Variants in PLEKHA6 observed in about 807,000 individuals in gnomAD.
The protein encoded by PLEKHA6 is pleckstrin homology domain-containing family A member 6.
PLEKHA6 carries 60 observed loss-of-function variants against 116.7 expected under a neutral mutation model. The ratio of observed to expected loss-of-function variants is 0.51; its 90% CI spans 0.42 to 0.64. PLEKHA6 has a LOEUF of 0.64. Ranked by LOEUF, PLEKHA6 falls within the 30% of genes least tolerant of loss-of-function variation. The probability of loss-of-function intolerance (pLI) is 0.00; values close to 1 mark genes in which losing one functional copy is unlikely to be tolerated. For synonymous variants in PLEKHA6, 489 were observed against 556.1 expected (o/e 0.88, Z 1.70); for missense variants, 1,338 against 1,422.7 (o/e 0.94, Z 0.96).
intron 15 of PLEKHA6, among the ~76,000 whole-genome samples, chr1:204,242,850 T>C (rs1663028048): frequency 1.3e-5 from 2 of 152,226 alleles, no homozygotes; most frequent in African/African-American, 2.4e-5. Flanking sequence ...CCACAAACAC[T>C]GGCTGCCCAT....
chr1:204,308,764 C>T (rs1276977366), intron 1 of PLEKHA6, among the ~76,000 whole-genome samples: 1 of 128,220 alleles, frequency 7.8e-6, no homozygotes, highest in South Asian at 2.6e-4. Context: ...TCTTGGCTCA[C>T]TGCAAGCTCC....
intron 1 of PLEKHA6, chr1:204,309,647 T>A (rs1671585931): frequency 1.4e-6 from 1 of 709,250 alleles, no homozygotes; most frequent in Admixed American, 6.3e-5. Flanking sequence ...CTTCTCAGAA[T>A]GTAGCCCCAA....
At chr1:204,369,013 A>C (rs887289556) in intron 2 of PLEKHA6, 1 of 151,892 alleles carries the variant, frequency 6.6e-6, no homozygotes, top group Non-Finnish European at 1.5e-5. Flanking sequence ...GTTTCTAATC[A>C]TTCATTTTAT....
At chr1:204,273,597 C>T in intron 3 of PLEKHA6, 29 bp downstream of exon 3, 1 of 1,480,122 alleles carries the variant, frequency 6.8e-7, no homozygotes, top group African/African-American at 1.4e-5. Context: ...GTTTCCAGCC[C>T]AACAGCTTGC....
At chr1:204,262,571 G>A (rs1286514041) in intron 6 of PLEKHA6, among the ~76,000 whole-genome samples, 1 of 152,106 alleles carries the variant, frequency 6.6e-6, no homozygotes, top group Non-Finnish European at 1.5e-5. Context: ...GACCCCTTGA[G>A]CCCTAAATCC....
chr1:204,342,903 C>A (rs1483926111), intron 1 of PLEKHA6, among the ~76,000 whole-genome samples: 1 of 152,166 alleles, frequency 6.6e-6, no homozygotes, highest in Non-Finnish European at 1.5e-5. Context: ...TATTTTAGCC[C>A]CGTGTGGGTC....
In PLEKHA6 at chr1:204,250,576, G is replaced by A. The variant is rs1268952921; in HGVS notation, c.1563C>T (p.His521=). ...PYPEVFRDSL[H]TYKLNEQDTD... is the part of the protein sequence containing the mutation. ...TGTCTTGCTCGTTTAACTTGTAGGT[G>A]TGGAGGCTGTCCCGGAACACTTCTG... Residue 521 remains histidine, a synonymous_variant, in exon 10 of 23, where the codon CAC becomes CAT. Transcript: ENST00000272203. 1.2e-6 allele frequency: 2 copies of A among 1,613,028 alleles called. No homozygotes were observed. Among genetic ancestry groups the A allele is most frequent in the South Asian group, 1.1e-5 (1 of 90,720 alleles).
chr1:204,326,220 T>C (rs750205534), intron 1 of PLEKHA6, among the ~76,000 whole-genome samples: 10 of 152,166 alleles, frequency 6.6e-5, no homozygotes, highest in Non-Finnish European at 1.3e-4. Flanking sequence ...TGCCCTTCAG[T>C]TTGTGAAGAC....
At chr1:204,309,168 T>C (rs940332767) in intron 1 of PLEKHA6, 3 of 449,008 alleles carry the variant, frequency 6.7e-6, no homozygotes, top group African/African-American at 6.3e-5. Context: ...GCTGAGGTCA[T>C]AGACAGATTC....
rs536947670 is a variant in PLEKHA6 at position 204,317,367 on chromosome 1, C to T, written c.-95+42327G>A. The T allele has an allele frequency of 3.8e-5, 7 of 182,840 alleles. No homozygotes were observed. In the East Asian group the frequency reaches 5.6e-4, roughly 15 times the overall value. The allele number at this position is 182,840 out of a possible 1,614,324, so 11.3% of individuals were successfully genotyped here. A position where few individuals can be genotyped will look rare whatever the true frequency, so the allele number is the denominator to read the frequency against. ...TGTTGTTCCAGCAGCCAGGCCTCTT[C>T]GGAGAGTTTATCAGCAGAATCTGCC... On this transcript the variant is annotated intron_variant, in intron 1 of 22. Coordinates refer to ENST00000272203, the MANE Select transcript of PLEKHA6 (RefSeq NM_014935.5).
Position 204,259,686 on chromosome 1 carries a change from T to TGGCTGCTGGTGGTGC in PLEKHA6, c.564_578dup (p.His189_Pro193dup). ...CAGGCTTAGGGAGGCTGTTGTGGGG[T>TGGCTGCTGGTGGTGC]GGCTGCTGGTGGTGCTTGCTGGGTG... On this transcript the variant is annotated inframe_insertion, in exon 8 of 23. Transcript: ENST00000272203. The surrounding 1 kb of genome is among the most constrained non-coding windows in gnomAD (Gnocchi z 4.6). 6.2e-7 allele frequency: 1 copy of TGGCTGCTGGTGGTGC among 1,613,726 alleles called. No individual in the cohort carries two copies. Among genetic ancestry groups the TGGCTGCTGGTGGTGC allele is most frequent in the South Asian group, 1.1e-5 (1 of 91,050 alleles).
At chr1:204,334,074 A>C (rs1353896416) in intron 1 of PLEKHA6, among the ~76,000 whole-genome samples, 2 of 152,170 alleles carry the variant, frequency 1.3e-5, no homozygotes, top group Admixed American at 1.3e-4. Context: ...AGAGAATCCC[A>C]TTTCTAGAAC....
At chr1:204,279,671 C>A (rs1668396509) in intron 1 of PLEKHA6, among the ~76,000 whole-genome samples, 1 of 152,180 alleles carries the variant, frequency 6.6e-6, no homozygotes, top group Admixed American at 6.5e-5. Context: ...CCAGAGCAGT[C>A]CAGTAGGTGG....
chr1:204,270,255 A>G (rs1397592938), intron 3 of PLEKHA6, among the ~76,000 whole-genome samples: 1 of 151,850 alleles, frequency 6.6e-6, no homozygotes, highest in African/African-American at 2.4e-5. Context: ...CCGCAATCAC[A>G]CTTTTATTAT....
chr1:204,341,196 T>A (rs566736553), intron 1 of PLEKHA6, among the ~76,000 whole-genome samples: 61 of 152,320 alleles, frequency 4.0e-4, no homozygotes, highest in African/African-American at 1.4e-3. Flanking sequence ...AGATCATGGT[T>A]GTTAGAGATT....
At chr1:204,256,393 C>A (rs1402587029) in intron 9 of PLEKHA6, among the ~76,000 whole-genome samples, 3 of 152,166 alleles carry the variant, frequency 2.0e-5, no homozygotes, top group African/African-American at 7.2e-5. Flanking sequence ...GCTTGTATCT[C>A]TCCCCAAAAG....
intron 3 of PLEKHA6, among the ~76,000 whole-genome samples, chr1:204,366,662 G>A (rs1276327217): frequency 6.6e-6 from 1 of 152,184 alleles, no homozygotes; most frequent in African/African-American, 2.4e-5. Context: ...TCAGGAGGCA[G>A]AGGCACGAGA....
chr1:204,305,086 C>T (rs747503009), intron 1 of PLEKHA6, among the ~76,000 whole-genome samples: 43 of 152,124 alleles, frequency 2.8e-4, no homozygotes, highest in Non-Finnish European at 2.5e-4. Context: ...AAAAAGTATG[C>T]CTCTGGTGCG....
upstream of PLEKHA6, among the ~76,000 whole-genome samples, chr1:204,363,648 TG>T (rs148381314): frequency 2.4e-4 from 36 of 152,174 alleles, no homozygotes; most frequent in East Asian, 5.2e-3. Context: ...CACTTCCTGT[TG>T]GGCAGGAATG....
Sources: gnomAD v4.1 joint callset for allele counts (sites outside exome capture counted in the v4.1 genomes callset) on GRCh38, gnomAD v4.1.1 for gene constraint, Gnocchi (gnomAD v3.1) non-coding constraint, MANE v1.5 for transcripts, NCBI Gene and HGNC (gene_info 2026-07-23, HGNC 2026-07-21) for gene names.